EFCAB6: variants seen among roughly 807,000 people sequenced by gnomAD.
The protein encoded by EFCAB6 is EF-hand calcium-binding domain-containing protein 6.
In EFCAB6, 156 loss-of-function variants were observed where a neutral mutation model predicts 169.8. That is an observed-to-expected ratio of 0.92 (90% confidence interval 0.81 to 1.05). EFCAB6 has a LOEUF of 1.05. EFCAB6 is among the 50% of genes least tolerant of loss of function. The pLI is 0.00. For synonymous variants in EFCAB6, 698 were observed against 676.4 expected, an observed-to-expected ratio of 1.03 and a Z score of -0.50; for missense variants, 1,800 against 1,829.1, an observed-to-expected ratio of 0.98 and a Z score of 0.29.
intron 25 of EFCAB6, among the ~76,000 whole-genome samples, chr22:43,577,360 G>T (rs906154483): frequency 6.6e-6 from 1 of 152,282 alleles, no homozygotes; most frequent in African/African-American, 2.4e-5. Flanking sequence ...GGGCTAATTA[G>T]GCACGCCCCA....
At chr22:43,536,740 G>C (rs2047404660) in intron 29 of EFCAB6, 2 of 152,282 alleles carry the variant, frequency 1.3e-5, no homozygotes, top group Non-Finnish European at 2.9e-5. Context: ...TTGGGAGGCT[G>C]AAGTGGGAGA....
rs754295835 is a variant in EFCAB6 at position 43,772,936 on chromosome 22, G to C, written c.307C>G (p.Leu103Val). 8.1e-6 allele frequency: 13 copies of C among 1,614,086 alleles called. No homozygotes were observed. Among genetic ancestry groups the C allele is most frequent in the Non-Finnish European group, 1.0e-5 (12 of 1,180,050 alleles). Residue 103 changes from leucine to valine, a missense_variant, in exon 4 of 32, where the codon CTG (leucine) becomes GTG (valine). Leu to Val is a conservative substitution (Grantham distance 32). Transcript: ENST00000262726. ...AACTGTTCTCGTGTGAGCGGCATCAGGAAGTCTGTGATGATTCTTCTCAGT... is the reference window on the plus strand; with the variant it reads ...AACTGTTCTCGTGTGAGCGGCATCACGAAGTCTGTGATGATTCTTCTCAGT... ...SELRRIITDF[L>V]MPLTREQFQD...
chr22:43,743,054 A>G (rs552539836), intron 6 of EFCAB6, among the ~76,000 whole-genome samples: 26 of 152,390 alleles, frequency 1.7e-4, no homozygotes, highest in African/African-American at 6.3e-4. Flanking sequence ...ATGAAGCTCC[A>G]TGTCACATAG....
intron 26 of EFCAB6, among the ~76,000 whole-genome samples, chr22:43,573,209 G>C (rs185773181): frequency 7.8e-4 from 119 of 152,322 alleles, no homozygotes; most frequent in Non-Finnish European, 1.3e-3. Context: ...CAAAATAAAA[G>C]TGATTGTTCT....
chr22:43,707,267 A>C (rs1268539929), intron 10 of EFCAB6, among the ~76,000 whole-genome samples: 1 of 152,180 alleles, frequency 6.6e-6, no homozygotes, highest in African/African-American at 2.4e-5. Flanking sequence ...AATATAAAAG[A>C]CAGTTTAAGA....
intron 3 of EFCAB6, among the ~76,000 whole-genome samples, chr22:43,773,935 C>T (rs1309998853): frequency 6.6e-6 from 1 of 152,134 alleles, no homozygotes; most frequent in Non-Finnish European, 1.5e-5. Context: ...TCTTGACTAA[C>T]GTTTTAGGTC....
intron 17 of EFCAB6, among the ~76,000 whole-genome samples, chr22:43,636,984 G>A (rs1412144798): frequency 6.6e-6 from 1 of 152,170 alleles, no homozygotes; most frequent in African/African-American, 2.4e-5. Flanking sequence ...AAAGAAGAGA[G>A]GAGATGAAAA....
At chr22:43,578,892 A>G (rs527925962) in intron 25 of EFCAB6, among the ~76,000 whole-genome samples, 2 of 151,298 alleles carry the variant, frequency 1.3e-5, no homozygotes, top group South Asian at 2.1e-4. Context: ...ACATGCAAGC[A>G]TCATTCCATA....
At chr22:43,600,963 C>T (rs16990797) in intron 22 of EFCAB6, among the ~76,000 whole-genome samples, 4 of 152,120 alleles carry the variant, frequency 2.6e-5, no homozygotes, top group African/African-American at 9.7e-5. Context: ...ACACCTCGCC[C>T]GTTCGGCAGT....
intron 6 of EFCAB6, among the ~76,000 whole-genome samples, chr22:43,751,038 T>C (rs74649495): frequency 0.12 from 18,031 of 152,230 alleles, 1,155 homozygotes; most frequent in Middle Eastern, 0.18. Context: ...TCATGGTGCC[T>C]GAACCTTCAA....
intron 2 of EFCAB6, among the ~76,000 whole-genome samples, chr22:43,794,967 A>C (rs766947362): frequency 6.6e-6 from 1 of 152,220 alleles, no homozygotes; most frequent in Admixed American, 6.5e-5. Context: ...ACCTGCCTCC[A>C]CAGCTAGGCA....
At chr22:43,617,023 A>C (rs1036816108) in intron 20 of EFCAB6, among the ~76,000 whole-genome samples, 1 of 152,116 alleles carries the variant, frequency 6.6e-6, no homozygotes, top group African/African-American at 2.4e-5. Flanking sequence ...CTGCTTGCCC[A>C]TAAGTCTGCA....
intron 17 of EFCAB6, among the ~76,000 whole-genome samples, chr22:43,652,370 G>A (rs1048112440): frequency 1.3e-5 from 2 of 152,166 alleles, no homozygotes; most frequent in African/African-American, 4.8e-5. Flanking sequence ...CACCATGATT[G>A]TGAGGCTTCC....
chr22:43,529,111 G>T, intron 31 of EFCAB6, 136 bp from the exon 32 acceptor site: 1 of 1,055,474 alleles, frequency 9.5e-7, no homozygotes, highest in Non-Finnish European at 1.3e-6. Context: ...CCATCTGTGC[G>T]CTCTCTCTAT....
At chr22:43,784,534 TGTGTGTGTGTATATGTATATATACAC>T (rs2061950393) in intron 2 of EFCAB6, among the ~76,000 whole-genome samples, 1 of 131,722 alleles carries the variant, frequency 7.6e-6, no homozygotes, top group African/African-American at 2.9e-5. Context: ...TGTGTGTGTG[TGTGTGTGTGTATATGTATATATACAC>T]ATATATATGT....
chr22:43,626,981 G>A (rs906854413), intron 19 of EFCAB6, among the ~76,000 whole-genome samples: 1 of 152,158 alleles, frequency 6.6e-6, no homozygotes, highest in African/African-American at 2.4e-5. Context: ...TGTGGAGCTT[G>A]TACTTCTAGT....
At chr22:43,731,581 T>A in intron 8 of EFCAB6, 118 bp downstream of exon 8, 2 of 576,012 alleles carry the variant, frequency 3.5e-6, no homozygotes, top group Non-Finnish European at 5.6e-6. Flanking sequence ...CATGGCTAGC[T>A]TTGTAGATAA....
At chr22:43,591,554 C>T (rs1316434173) in intron 23 of EFCAB6, among the ~76,000 whole-genome samples, 1 of 151,742 alleles carries the variant, frequency 6.6e-6, no homozygotes, top group Non-Finnish European at 1.5e-5. Context: ...CTCAAGTACA[C>T]ACACTCACAT....
At chr22:43,666,691 GTTTTTTTTTT>G (rs137764) in intron 17 of EFCAB6, among the ~76,000 whole-genome samples, 2 of 77,866 alleles carry the variant, frequency 2.6e-5, no homozygotes, top group African/African-American at 5.1e-5. Context: ...CTGCCAGATT[GTTTTTTTTTT>G]TTTTTTTTTT....
Sources: allele counts gnomAD v4.1 joint callset (sites outside exome capture counted in the v4.1 genomes callset), GRCh38; gene constraint gnomAD v4.1.1; transcripts MANE v1.5; gene names NCBI Gene and HGNC (gene_info 2026-07-23, HGNC 2026-07-21).